Variants in C12orf42 observed in about 807,000 individuals in gnomAD.
C12orf42 encodes uncharacterized protein C12orf42.
C12orf42 carries 25 observed loss-of-function variants against 21.6 expected under a neutral mutation model. The ratio of observed to expected loss-of-function variants is 1.16; its 90% CI spans 0.84 to 1.62. C12orf42 has a LOEUF of 1.62. C12orf42 is among the 40% of genes most tolerant of loss of function. The pLI is 0.00. For missense variants in C12orf42, 483 were observed against 459.3 expected (o/e 1.05, Z -0.47); for synonymous variants, 174 against 175.0 (o/e 0.99, Z 0.05).
intron 4 of C12orf42, among the ~76,000 whole-genome samples, chr12:103,290,120 A>G (rs1228766275): frequency 1.3e-5 from 2 of 152,214 alleles, no homozygotes; most frequent in Non-Finnish European, 2.9e-5. Context: ...AACAATATGC[A>G]TATCAGCATC....
chr12:103,534,293 C>T, the C12orf42 span, among the ~76,000 whole-genome samples: 1 of 152,178 alleles, frequency 6.6e-6, no homozygotes, highest in South Asian at 2.1e-4. Context: ...TGCTTACATG[C>T]TCTGGAAGAG....
chr12:103,248,171 T>C (rs2034104915), intron 10 of C12orf42, among the ~76,000 whole-genome samples: 1 of 152,048 alleles, frequency 6.6e-6, no homozygotes, highest in East Asian at 1.9e-4. Context: ...ATTTGAAATT[T>C]ATAAGAAGGA....
chr12:103,464,417 T>G (rs200043114), intron 2 of C12orf42, among the ~76,000 whole-genome samples: 1 of 11,504 alleles, frequency 8.7e-5, no homozygotes, highest in Non-Finnish European at 2.1e-4. Flanking sequence ...TTTAATGGGG[T>G]TTTTTTTTTT....
chr12:103,119,003 T>A, the C12orf42 span, among the ~76,000 whole-genome samples: 2 of 152,050 alleles, frequency 1.3e-5, no homozygotes, highest in Admixed American at 6.6e-5. Flanking sequence ...CCTACGGTAA[T>A]TATTAGTTCT....
chr12:103,500,353 CA>C (rs1955688425), upstream of C12orf42, among the ~76,000 whole-genome samples: 1 of 152,202 alleles, frequency 6.6e-6, no homozygotes, highest in South Asian at 2.1e-4. Flanking sequence ...TACACTTTCT[CA>C]AATGTAAGCA....
upstream of C12orf42, among the ~76,000 whole-genome samples, chr12:103,498,018 G>A (rs1306944512): frequency 1.3e-5 from 2 of 151,440 alleles, no homozygotes; most frequent in Admixed American, 1.3e-4. Flanking sequence ...CTGGGTGACA[G>A]AGCGAGACTC....
chr12:103,149,064 C>G, the C12orf42 span, among the ~76,000 whole-genome samples: 1 of 152,108 alleles, frequency 6.6e-6, no homozygotes, highest in African/African-American at 2.4e-5. Flanking sequence ...GGCCCACATA[C>G]CCAACTACTT....
chr12:103,306,661 C>T (rs2038366303), intron 4 of C12orf42, among the ~76,000 whole-genome samples: 1 of 152,140 alleles, frequency 6.6e-6, no homozygotes, highest in South Asian at 2.1e-4. Flanking sequence ...CTGTCTTGCA[C>T]AGGTCACAAA....
the C12orf42 span, chr12:103,548,864 CCA>C: frequency 6.6e-6 from 1 of 152,108 alleles, no homozygotes; most frequent in Non-Finnish European, 1.5e-5. Flanking sequence ...GTGGGGAGAA[CCA>C]GTTTGGACTT....
the C12orf42 span, among the ~76,000 whole-genome samples, chr12:103,222,725 G>T: frequency 1.3e-5 from 2 of 151,968 alleles, no homozygotes; most frequent in Non-Finnish European, 1.5e-5. Context: ...CCCTTGTACT[G>T]AGTATATTTT....
At chr12:103,506,641 G>T in the C12orf42 span, among the ~76,000 whole-genome samples, 1 of 149,768 alleles carries the variant, frequency 6.7e-6, no homozygotes, top group South Asian at 2.1e-4. Context: ...AATCTATGAT[G>T]TTCAGACAAT....
At chr12:103,380,025 G>A (rs2046033243) in intron 3 of C12orf42, among the ~76,000 whole-genome samples, 1 of 152,182 alleles carries the variant, frequency 6.6e-6, no homozygotes, top group Admixed American at 6.5e-5. Flanking sequence ...CCTTACGTAA[G>A]TGTATCTAAT....
At chr12:103,094,250 T>C in the C12orf42 span, among the ~76,000 whole-genome samples, 1 of 152,230 alleles carries the variant, frequency 6.6e-6, no homozygotes, top group Non-Finnish European at 1.5e-5. Context: ...GTCTGGATTC[T>C]TTCAAGTTAG....
chr12:103,470,484 G>T (rs1953508203), intron 2 of C12orf42, among the ~76,000 whole-genome samples: 1 of 152,146 alleles, frequency 6.6e-6, no homozygotes. Flanking sequence ...CACAACTAAA[G>T]ATTTTGCTTG....
rs565746299 is a variant in C12orf42, at chr12:103,334,654, C to T, written c.260-28309G>A. 1.2e-3 allele frequency among the ~76,000 whole-genome samples: 176 copies of T among 152,242 alleles called. 1 individual carries two copies. The highest frequency in any genetic ancestry group is 4.2e-3 in the African/African-American group (175 of 41,542). ...TCCCAGCCACGATTTCCCCTGCGTT[C>T]CCAGCCCCAGCCCATCTGTTCTCCA... On this transcript the variant is annotated intron_variant, in intron 4 of 5. Transcript: ENST00000548883.
chr12:103,440,201 T>C (rs1388216524), intron 2 of C12orf42, among the ~76,000 whole-genome samples: 1 of 141,540 alleles, frequency 7.1e-6, no homozygotes, highest in Non-Finnish European at 1.5e-5. Flanking sequence ...AGGTGGGAAC[T>C]GAACAATGAG....
chr12:103,124,140 T>G, the C12orf42 span, among the ~76,000 whole-genome samples: 4 of 144,908 alleles, frequency 2.8e-5, no homozygotes, highest in Admixed American at 2.8e-4. Flanking sequence ...ACATTTGGTC[T>G]AATCCAAACA....
At chr12:103,403,248 C>A (rs192399764) in intron 2 of C12orf42, among the ~76,000 whole-genome samples, 5 of 151,870 alleles carry the variant, frequency 3.3e-5, no homozygotes, top group African/African-American at 1.2e-4. Context: ...TGGTGGCGGG[C>A]GCCTGTAGTC....
the C12orf42 span, among the ~76,000 whole-genome samples, chr12:103,070,814 A>T: frequency 6.6e-6 from 1 of 152,174 alleles, no homozygotes; most frequent in Non-Finnish European, 1.5e-5. Flanking sequence ...AAATATGGGT[A>T]ACTTCTCAAG....
Sources: gnomAD v4.1 joint callset for allele counts (sites outside exome capture counted in the v4.1 genomes callset) on GRCh38, gnomAD v4.1.1 for gene constraint, MANE v1.5 for transcripts, NCBI Gene and HGNC (gene_info 2026-07-23, HGNC 2026-07-21) for gene names.